TUBB8: variants seen among roughly 807,000 people sequenced by gnomAD.
TUBB8 encodes tubulin beta 8 class VIII.
TUBB8 carries 25 observed loss-of-function variants against 33.7 expected under a neutral mutation model. The observed-to-expected ratio is 0.74, with a 90% CI of 0.54 to 1.04. The LOEUF (loss-of-function observed/expected upper bound fraction) is 1.04. TUBB8 is among the 50% of genes least tolerant of loss of function. The probability of loss-of-function intolerance (pLI) is 0.00; values close to 1 mark genes in which losing one functional copy is unlikely to be tolerated. For synonymous variants in TUBB8, 245 were observed against 240.1 expected, an observed-to-expected ratio of 1.02 and a Z score of -0.19; for missense variants, 279 against 608.0, an observed-to-expected ratio of 0.46 and a Z score of 5.69.
rs1554738001 is a variant in TUBB8 at position 47,198 on chromosome 10, G to A, written c.1194C>T (p.Tyr398=). The A allele has an allele frequency of 2.5e-6, 4 of 1,612,478 alleles. No individual in the cohort carries two copies. Among genetic ancestry groups the A allele is most frequent in the Non-Finnish European group, 2.5e-6 (3 of 1,179,630 alleles). The change falls in exon 4 of 4, where the codon TAC becomes TAT. Residue 398 remains tyrosine (Y), a synonymous_variant. Transcript: ENST00000568584. ...CCATCTCATCCATGCCCTCGCCCGT[G>A]TACCAGTGGAGGAAGGCCTTGCGCC... The part of the protein sequence containing the change: ...MFRRKAFLHW[Y]TGEGMDEMEF...
Position 48,936 on chromosome 10 carries a change from A to C in TUBB8, c.58-24T>G, listed in dbSNP as rs1286583370. ...AACTGCAAGAGACGGGAGGAGACAG[A>C]CAGGCCGGGGCTGAGTCAGGGAGGC... On this transcript the variant is annotated intron_variant, in intron 1 of 3. Coordinates refer to ENST00000568584, the MANE Select transcript of TUBB8 (RefSeq NM_177987.3). The C allele has an allele frequency of 4.4e-5, 62 of 1,423,628 alleles. No individual in the cohort carries two copies. In the African/African-American group the frequency reaches 7.4e-4, roughly 17 times the overall value. 88.2% of individuals were successfully genotyped at this position (1,423,628 alleles called of 1,614,324 possible).
upstream of TUBB8, among the ~76,000 whole-genome samples, chr10:50,701 G>T (rs373650839): frequency 3.3e-5 from 5 of 152,142 alleles, no homozygotes; most frequent in African/African-American, 1.2e-4. Flanking sequence ...ATCATACTTG[G>T]AATCAGTGTA....
At chr10:55,596 C>T (rs1187145766) in intron 1 of TUBB8, among the ~76,000 whole-genome samples, 1 of 152,150 alleles carries the variant, frequency 6.6e-6, no homozygotes, top group Non-Finnish European at 1.5e-5. Context: ...CCAGTGTTTT[C>T]TTGTAAAATT....
Position 47,155 on chromosome 10 carries a change from T to C in TUBB8, c.1237A>G (p.Ser413Gly). The C allele has an allele frequency of 6.3e-7, 1 of 1,594,874 alleles. No individual in the cohort carries two copies. The change falls in exon 4 of 4, where the codon AGC becomes GGC. Residue 413 changes from serine (S) to glycine (G), a missense_variant. Coordinates refer to ENST00000568584, the MANE Select transcript of TUBB8 (RefSeq NM_177987.3). ...MDEMEFTEAESNMNDLVSEYQ... is the reference protein window; with the variant it reads ...MDEMEFTEAEGNMNDLVSEYQ... ...TCAGACACCAGGTCGTTCATGTTGCTCTCGGCCTCGGTGAATTCCATCTCA... is the reference window on the plus strand; with the variant it reads ...TCAGACACCAGGTCGTTCATGTTGCCCTCGGCCTCGGTGAATTCCATCTCA...
At position 48,715 on chromosome 10, in the gene TUBB8, G is replaced by C. The variant is rs138641173; in HGVS notation, c.177C>G (p.Tyr59Ter). ...GATCCACGAGCACAGCGCGGGGCAC[G>C]TACCTGCCACCTGCGTGGGGCGGGA... ...VYYNEASGGRYVPRAVLVDLE... is the reference protein window; with the variant it reads ...VYYNEASGGR The change falls in exon 3 of 4, where the codon TAC becomes TAG. Residue 59 changes from tyrosine (Y) to a stop codon, truncating the protein, a stop_gained. Coordinates refer to ENST00000568584, the MANE Select transcript of TUBB8 (RefSeq NM_177987.3). LOFTEE classifies it high-confidence loss of function. 2.5e-6 allele frequency: 4 copies of C among 1,611,412 alleles called. No individual in the cohort carries two copies. The Admixed American group carries it at 6.7e-5, about 27-fold the overall frequency.
At chr10:55,298 A>C (rs1298187715) in intron 1 of TUBB8, among the ~76,000 whole-genome samples, 5 of 152,202 alleles carry the variant, frequency 3.3e-5, no homozygotes, top group African/African-American at 1.2e-4. Flanking sequence ...TGATCCAATC[A>C]CCTTCTACCA....
chr10:54,327 T>A (rs1834503997), intron 1 of TUBB8, among the ~76,000 whole-genome samples: 1 of 151,202 alleles, frequency 6.6e-6, no homozygotes, highest in African/African-American at 2.4e-5. Flanking sequence ...TCACTTAACA[T>A]AAAAACTTTC....
intron 1 of TUBB8, among the ~76,000 whole-genome samples, chr10:72,529 G>C (rs533750235): frequency 1.3e-5 from 2 of 152,302 alleles, no homozygotes; most frequent in African/African-American, 4.8e-5. Context: ...CTGCAGTCCA[G>C]CCTGGGCGAC....
At chr10:55,785 ATAAGT>A (rs1834523374) in intron 1 of TUBB8, among the ~76,000 whole-genome samples, 1 of 152,272 alleles carries the variant, frequency 6.6e-6, no homozygotes, top group Non-Finnish European at 1.5e-5. Context: ...TTTGTTCAAA[ATAAGT>A]TTAGTTTAGC....
At chr10:64,975 T>TAAAAAAAAAAAAAAAAAAAAAAAAAA (rs61340461) in intron 1 of TUBB8, among the ~76,000 whole-genome samples, 1 of 118,566 alleles carries the variant, frequency 8.4e-6, no homozygotes, top group African/African-American at 3.0e-5. Context: ...CCATCTCCAC[T>TAAAAAAAAAAAAAAAAAAAAAAAAAA]AAAAAAAAAA....
intron 1 of TUBB8, among the ~76,000 whole-genome samples, chr10:54,643 A>C (rs1250847733): frequency 6.6e-6 from 1 of 152,216 alleles, no homozygotes; most frequent in Non-Finnish European, 1.5e-5. Context: ...TAAATGTCCA[A>C]TTAAATTTTT....
At chr10:73,811 C>G (rs11517311) in intron 1 of TUBB8, among the ~76,000 whole-genome samples, 76,813 of 146,716 alleles carry the variant, frequency 0.52, 20,333 homozygotes, top group African/African-American at 0.63. Flanking sequence ...ACTCGCATTC[C>G]TAACCGGCAT....
intron 1 of TUBB8, among the ~76,000 whole-genome samples, chr10:73,816 C>T (rs1834770040): frequency 1.3e-5 from 2 of 151,688 alleles, no homozygotes; most frequent in Admixed American, 6.6e-5. Flanking sequence ...CATTCCTAAC[C>T]GGCATCTTGG....
chr10:65,034 G>T (rs1352665171), intron 1 of TUBB8, among the ~76,000 whole-genome samples: 2 of 150,814 alleles, frequency 1.3e-5, no homozygotes, highest in Non-Finnish European at 2.9e-5. Context: ...TGTGTTCCCA[G>T]CTACTTGGAA....
chr10:49,213 A>G lies in TUBB8; in HGVS notation c.26T>C (p.Ile9Thr), dbSNP rs199981930. MREIVLTQ[I>T]GQCGNQIGAK... is the part of the protein sequence containing the mutation. ...GCCGATCTGATTCCCGCACTGCCCG[A>G]TCTGCGTGAGCACGATCTCCCTCAT... is the stretch of plus-strand genomic sequence containing the variant. Residue 9 changes from isoleucine (I) to threonine (T), a missense_variant, in exon 1 of 4, where the codon ATC becomes ACC. Ile to Thr is a moderately conservative substitution (Grantham distance 89). Transcript: ENST00000568584. 5.1e-5 allele frequency: 80 copies of G among 1,582,552 alleles called. No individual in the cohort carries two copies. The highest frequency in any genetic ancestry group is 4.0e-4 in the South Asian group (35 of 86,822).
intron 1 of TUBB8, among the ~76,000 whole-genome samples, chr10:64,305 C>T (rs1372255885): frequency 7.4e-6 from 1 of 135,278 alleles, no homozygotes; most frequent in Admixed American, 7.2e-5. Flanking sequence ...AACCCTAACC[C>T]CAAACCCTAA....
At chr10:48,934 A>G in intron 1 of TUBB8, 22 bp from the exon 2 acceptor site, 1 of 1,423,780 alleles carries the variant, frequency 7.0e-7, no homozygotes. Flanking sequence ...GGGAGGAGAC[A>G]GACAGGCCGG....
intron 1 of TUBB8, among the ~76,000 whole-genome samples, chr10:57,022 A>G (rs1834539857): frequency 6.6e-6 from 1 of 152,250 alleles, no homozygotes; most frequent in South Asian, 2.1e-4. Context: ...TCTAAAAGGA[A>G]GAAATCAGCC....
intron 1 of TUBB8, among the ~76,000 whole-genome samples, chr10:65,000 T>A (rs1464204138): frequency 9.1e-3 from 1,012 of 111,520 alleles, no homozygotes; most frequent in African/African-American, 0.03. Context: ...AAAAAAAAAA[T>A]AGTTGGGCAT....
Sources: gnomAD v4.1 joint callset for allele counts (sites outside exome capture counted in the v4.1 genomes callset) on GRCh38, gnomAD v4.1.1 for gene constraint, MANE v1.5 for transcripts, NCBI Gene and HGNC (gene_info 2026-07-23, HGNC 2026-07-21) for gene names.